The following MB21D2 variants were observed in gnomAD, a reference collection of about 807,000 sequenced individuals.
MB21D2 encodes nucleotidyltransferase MB21D2.
A neutral mutation model predicts 33.3 loss-of-function variants in MB21D2; 9 were observed. The ratio of observed to expected loss-of-function variants is 0.27; its 90% CI spans 0.16 to 0.47. The LOEUF is 0.47. MB21D2 is among the 20% of genes least tolerant of loss of function. The pLI, the probability that MB21D2 is intolerant of heterozygous loss-of-function variation, is 0.99. For synonymous variants in MB21D2, 241 were observed against 236.3 expected, an observed-to-expected ratio of 1.02 and a Z score of -0.18; for missense variants, 540 against 624.6, an observed-to-expected ratio of 0.86 and a Z score of 1.44.
At chr3:192,813,483 A>T (rs1711836844) in intron 1 of MB21D2, among the ~76,000 whole-genome samples, 1 of 152,172 alleles carries the variant, frequency 6.6e-6, no homozygotes, top group Non-Finnish European at 1.5e-5. Context: ...ATTAATAAAA[A>T]GAAAATGTTT....
Position 192,916,088 on chromosome 3 carries a change from C to T in MB21D2, c.211+1542G>A, listed in dbSNP as rs578183618. 2.2e-5 allele frequency among the ~76,000 whole-genome samples: 3 copies of T among 135,474 alleles called. No homozygotes were observed. In the South Asian group the frequency reaches 7.1e-4, roughly 32 times the overall value. The allele number at this position is 135,474 out of a possible 152,430, so 88.9% of individuals were successfully genotyped here. A position where few individuals can be genotyped will look rare whatever the true frequency, so the allele number is the denominator to read the frequency against. On this transcript the variant is annotated intron_variant, in intron 1 of 1. Transcript: ENST00000392452. ...TAGGCTTCCCTGTGGAAGCTCACTC[C>T]TACCAGGTTTTATATATATATATAT...
At chr3:192,853,995 C>T (rs1480863181) in intron 1 of MB21D2, among the ~76,000 whole-genome samples, 2 of 152,226 alleles carry the variant, frequency 1.3e-5, no homozygotes, top group Admixed American at 1.3e-4. Flanking sequence ...TCTCTCCCTC[C>T]CCATGGGCTT....
At chr3:192,813,854 CTATGATGGT>C (rs1711847826) in intron 1 of MB21D2, among the ~76,000 whole-genome samples, 2 of 152,166 alleles carry the variant, frequency 1.3e-5, no homozygotes, top group Admixed American at 1.3e-4. Flanking sequence ...TGGGAGGAAT[CTATGATGGT>C]TATAGCCAGA....
rs144849325 is a variant in MB21D2, at chr3:192,880,800, G to A, written c.211+36830C>T. 3.9e-5 allele frequency among the ~76,000 whole-genome samples: 6 copies of A among 152,168 alleles called. No individual in the cohort carries two copies. In the East Asian group the frequency reaches 1.2e-3, roughly 29 times the overall value. Reference sequence around the variant, plus strand: ...TTAGATTTACAGTGAAGTTTAAGAAGATTAAAAGTTTAAGTTATGTTACTG... The same window carrying A: ...TTAGATTTACAGTGAAGTTTAAGAAAATTAAAAGTTTAAGTTATGTTACTG... On this transcript the variant is annotated intron_variant, in intron 1 of 1. Transcript: ENST00000392452.
chr3:192,801,080 G>A (rs1033690655), intron 1 of MB21D2, among the ~76,000 whole-genome samples: 9 of 152,128 alleles, frequency 5.9e-5, no homozygotes, highest in Admixed American at 3.9e-4. Context: ...AGAAGACTCC[G>A]TGCATGCAGT....
intron 1 of MB21D2, among the ~76,000 whole-genome samples, chr3:192,831,240 G>A (rs1259339656): frequency 3.3e-5 from 5 of 152,116 alleles, no homozygotes; most frequent in African/African-American, 7.2e-5. Flanking sequence ...GGGATGAGCC[G>A]AGGCCTCCCA....
chr3:192,846,973 G>A (rs1316443697), intron 1 of MB21D2, among the ~76,000 whole-genome samples: 5 of 152,122 alleles, frequency 3.3e-5, no homozygotes, highest in African/African-American at 1.2e-4. Flanking sequence ...TCTGATTTGA[G>A]GGTTCCCTGG....
chr3:192,895,988 C>T (rs1184692070), intron 1 of MB21D2, among the ~76,000 whole-genome samples: 1 of 152,118 alleles, frequency 6.6e-6, no homozygotes, highest in African/African-American at 2.4e-5. Flanking sequence ...TTACAGGCAA[C>T]ATACTAATTC....
chr3:192,816,349 CTTG>C (rs1334219170), intron 1 of MB21D2, among the ~76,000 whole-genome samples: 1 of 152,126 alleles, frequency 6.6e-6, no homozygotes, highest in Admixed American at 6.6e-5. Context: ...AGACCCAAGT[CTTG>C]TTATGACAGT....
At chr3:192,810,346 A>C (rs1240975278) in intron 1 of MB21D2, among the ~76,000 whole-genome samples, 3 of 152,234 alleles carry the variant, frequency 2.0e-5, no homozygotes, top group African/African-American at 7.2e-5. Flanking sequence ...GGTGATCTAC[A>C]TTACACATTT....
intron 1 of MB21D2, among the ~76,000 whole-genome samples, chr3:192,807,680 C>G (rs1196652424): frequency 6.6e-6 from 1 of 152,082 alleles, no homozygotes. Context: ...GAAATTGCAA[C>G]AAGGATAAAG....
chr3:192,829,859 C>T (rs1712274323), intron 1 of MB21D2, among the ~76,000 whole-genome samples: 1 of 152,038 alleles, frequency 6.6e-6, no homozygotes. Flanking sequence ...CCTGTGTAGC[C>T]GGGACCACAG....
intron 1 of MB21D2, among the ~76,000 whole-genome samples, chr3:192,835,107 C>A (rs575306312): frequency 7.2e-6 from 1 of 139,566 alleles, no homozygotes; most frequent in Non-Finnish European, 1.5e-5. Context: ...CACGCCTGGC[C>A]GATTGTTCAC....
At chr3:192,832,067 T>A (rs1274462189) in intron 1 of MB21D2, among the ~76,000 whole-genome samples, 2 of 152,214 alleles carry the variant, frequency 1.3e-5, no homozygotes, top group East Asian at 1.9e-4. Flanking sequence ...CAGTGTTCCT[T>A]AAACCTGTTT....
intron 1 of MB21D2, among the ~76,000 whole-genome samples, chr3:192,892,010 G>T (rs189959545): frequency 6.6e-6 from 1 of 152,048 alleles, no homozygotes; most frequent in African/African-American, 2.4e-5. Flanking sequence ...ACTTCATAGG[G>T]TAAAATCATC....
At chr3:192,827,769 C>G (rs140017055) in intron 1 of MB21D2, among the ~76,000 whole-genome samples, 3 of 152,232 alleles carry the variant, frequency 2.0e-5, no homozygotes, top group African/African-American at 7.2e-5. Flanking sequence ...GAAAGTTTTG[C>G]TTCCCGCTCC....
intron 1 of MB21D2, among the ~76,000 whole-genome samples, chr3:192,883,513 C>T (rs1328118528): frequency 2.0e-5 from 3 of 151,996 alleles, no homozygotes; most frequent in Non-Finnish European, 4.4e-5. Flanking sequence ...TTAAACATGG[C>T]TTTTAGCTTA....
intron 1 of MB21D2, among the ~76,000 whole-genome samples, chr3:192,814,093 A>T (rs920994437): frequency 6.6e-6 from 1 of 152,216 alleles, no homozygotes; most frequent in African/African-American, 2.4e-5. Flanking sequence ...TAATTTCCTC[A>T]ATCTAGTTTT....
At chr3:192,916,319 C>G (rs1354299583) in intron 1 of MB21D2, among the ~76,000 whole-genome samples, 2 of 152,004 alleles carry the variant, frequency 1.3e-5, no homozygotes, top group Non-Finnish European at 1.5e-5. Flanking sequence ...TGTATTACCC[C>G]GTCCTTGGGC....
Sources: allele counts gnomAD v4.1 joint callset (sites outside exome capture counted in the v4.1 genomes callset), GRCh38; gene constraint gnomAD v4.1.1; transcripts MANE v1.5; gene names NCBI Gene and HGNC (gene_info 2026-07-23, HGNC 2026-07-21).